Variants in FRMD4B observed in about 807,000 individuals in gnomAD.
FRMD4B encodes FERM domain-containing protein 4B.
Under a neutral mutation model 141.5 loss-of-function variants are expected in FRMD4B, and 74 were observed. The observed-to-expected ratio is 0.52, with a 90% CI of 0.43 to 0.63. The LOEUF (loss-of-function observed/expected upper bound fraction) is 0.63. FRMD4B is among the 30% of genes least tolerant of loss of function. FRMD4B has a pLI of 0.00. For missense variants in FRMD4B, 1,366 were observed against 1,253.4 expected, an observed-to-expected ratio of 1.09 and a Z score of -1.36; for synonymous variants, 506 against 467.9, an observed-to-expected ratio of 1.08 and a Z score of -1.05.
chr3:69,380,364 A>C (rs1478333456), intron 1 of FRMD4B, among the ~76,000 whole-genome samples: 1 of 152,184 alleles, frequency 6.6e-6, no homozygotes. Context: ...TAGAGGAACT[A>C]GTCTCACCTA....
At chr3:69,408,943 A>G (rs1220110577) in intron 2 of FRMD4B, among the ~76,000 whole-genome samples, 1 of 151,994 alleles carries the variant, frequency 6.6e-6, no homozygotes, top group Non-Finnish European at 1.5e-5. Flanking sequence ...CCAGCTCTGC[A>G]CTTACCCACC....
chr3:69,276,158 C>T (rs2093616947), intron 5 of FRMD4B, among the ~76,000 whole-genome samples: 1 of 152,120 alleles, frequency 6.6e-6, no homozygotes, highest in South Asian at 2.1e-4. Context: ...TTTCCAGTTT[C>T]CTACTATTGG....
At chr3:69,476,005 C>A (rs1297668506) in intron 1 of FRMD4B, among the ~76,000 whole-genome samples, 1 of 151,434 alleles carries the variant, frequency 6.6e-6, no homozygotes, top group African/African-American at 2.4e-5. Context: ...TAAATGTCTT[C>A]TTTTGAGAAC....
intron 5 of FRMD4B, among the ~76,000 whole-genome samples, chr3:69,257,747 G>A (rs547567602): frequency 6.0e-5 from 9 of 149,180 alleles, no homozygotes; most frequent in East Asian, 5.9e-4. Flanking sequence ...CTGCAGTCTC[G>A]ACTTCCCAGG....
chr3:69,374,634 A>T (rs1703916856), intron 1 of FRMD4B, among the ~76,000 whole-genome samples: 1 of 152,238 alleles, frequency 6.6e-6, no homozygotes, highest in Non-Finnish European at 1.5e-5. Context: ...GTTAGGAGGA[A>T]GAAAATTTAA....
chr3:69,337,157 C>A (rs1314519898), intron 1 of FRMD4B, among the ~76,000 whole-genome samples: 2 of 152,006 alleles, frequency 1.3e-5, no homozygotes, highest in Non-Finnish European at 2.9e-5. Context: ...TGCCACATAT[C>A]TACAACTATC....
At chr3:69,277,553 T>C (rs1192994838) in intron 5 of FRMD4B, among the ~76,000 whole-genome samples, 1 of 130,368 alleles carries the variant, frequency 7.7e-6, no homozygotes, top group Non-Finnish European at 1.6e-5. Context: ...TGAGATGGAG[T>C]GTTGTTGTCG....
At chr3:69,496,204 C>T (rs1023841821) in intron 1 of FRMD4B, among the ~76,000 whole-genome samples, 20 of 152,216 alleles carry the variant, frequency 1.3e-4, no homozygotes, top group Admixed American at 7.9e-4. Context: ...AAATGCCAGA[C>T]GCTCAAATCT....
intron 4 of FRMD4B, chr3:69,292,894 A>G: frequency 4.8e-6 from 1 of 210,110 alleles, no homozygotes; most frequent in Non-Finnish European, 9.2e-6. Flanking sequence ...AGGTTTTCTT[A>G]AGTTGAAGCC....
At chr3:69,343,039 G>A (rs1002647706) in intron 1 of FRMD4B, among the ~76,000 whole-genome samples, 4 of 151,854 alleles carry the variant, frequency 2.6e-5, no homozygotes, top group Admixed American at 1.3e-4. Context: ...CTGCAGCCTC[G>A]GACTCCTGGG....
intron 2 of FRMD4B, among the ~76,000 whole-genome samples, chr3:69,414,508 G>A (rs891161089): frequency 3.3e-5 from 5 of 152,260 alleles, no homozygotes; most frequent in Non-Finnish European, 7.3e-5. Flanking sequence ...CGATGAACAT[G>A]TTGTGGTCCA....
rs778869317 is a variant in FRMD4B, at chr3:69,221,896, C to A, written c.693G>T (p.Leu231Phe). Residue 231 changes from leucine to phenylalanine, a missense_variant, in exon 9 of 23, where the codon TTG (leucine) becomes TTT (phenylalanine). Transcript: ENST00000398540. Reference protein sequence around the residue: ...YCEDRVIEHYLKIKGLTRGQA... With the variant: ...YCEDRVIEHYFKIKGLTRGQA... ...GACCTCGAGTGAGACCTTTGATTTT[C>A]AAATAATGCTCAATTACCCTGTCCT... The A allele has an allele frequency of 1.3e-6, 2 of 1,566,638 alleles. No homozygotes were observed. The highest frequency in any genetic ancestry group is 2.3e-5 in the South Asian group (2 of 87,456).
chr3:69,341,633 T>A (rs1162795831), intron 1 of FRMD4B, among the ~76,000 whole-genome samples: 15 of 152,234 alleles, frequency 9.9e-5, no homozygotes, highest in Non-Finnish European at 2.2e-4. Flanking sequence ...TGGGCATTGC[T>A]ATGGTTTGTG....
intron 5 of FRMD4B, among the ~76,000 whole-genome samples, chr3:69,280,336 C>T (rs2093638996): frequency 6.6e-6 from 1 of 152,134 alleles, no homozygotes; most frequent in Admixed American, 6.6e-5. Flanking sequence ...CATGCACTCT[C>T]CTCTGAAATG....
rs148817549 is a variant in FRMD4B, at chr3:69,328,457, G to A, written c.163-14940C>T. On this transcript the variant is annotated intron_variant, in intron 1 of 22. Transcript: ENST00000398540. ...TTGTGTCAGAGGTGTTTGCACTGGAGTGACTCCATCTTGAATAGGACCTGG... is the reference window on the plus strand; with the variant it reads ...TTGTGTCAGAGGTGTTTGCACTGGAATGACTCCATCTTGAATAGGACCTGG... Among the ~76,000 whole-genome samples, 70 of 152,308 alleles carry A rather than the reference G, an allele frequency of 4.6e-4. 1 individual carries two copies. The East Asian group carries it at 8.9e-3, about 19-fold the overall frequency.
At chr3:69,517,420 A>C (rs1700780391) in intron 1 of FRMD4B, among the ~76,000 whole-genome samples, 1 of 149,224 alleles carries the variant, frequency 6.7e-6, no homozygotes, top group Non-Finnish European at 1.5e-5. Flanking sequence ...ATAAAGATTA[A>C]GAAATAATTG....
intron 1 of FRMD4B, among the ~76,000 whole-genome samples, chr3:69,368,081 C>T (rs1168667052): frequency 2.0e-5 from 3 of 152,066 alleles, no homozygotes; most frequent in Non-Finnish European, 4.4e-5. Flanking sequence ...GTGGCCAAGG[C>T]CTTTTTCTAA....
At chr3:69,506,714 G>C (rs112372075) in intron 1 of FRMD4B, among the ~76,000 whole-genome samples, 6 of 150,482 alleles carry the variant, frequency 4.0e-5, no homozygotes, top group African/African-American at 1.5e-4. Context: ...TAATTTTTTT[G>C]GGGGGGGTGG....
intron 1 of FRMD4B, among the ~76,000 whole-genome samples, chr3:69,374,863 T>C (rs1387710495): frequency 1.3e-5 from 2 of 152,128 alleles, no homozygotes; most frequent in African/African-American, 4.8e-5. Context: ...GTGAGAGGAA[T>C]GAGTCAAGGC....
Sources: gnomAD v4.1 joint callset for allele counts (sites outside exome capture counted in the v4.1 genomes callset) on GRCh38, gnomAD v4.1.1 for gene constraint, MANE v1.5 for transcripts, NCBI Gene and HGNC (gene_info 2026-07-23, HGNC 2026-07-21) for gene names.